The following VMP1 variants were observed in gnomAD, a reference collection of about 807,000 sequenced individuals.
VMP1 encodes the protein vacuole membrane protein 1, also known as ectopic P-granules autophagy protein 3 homolog.
VMP1 carries 11 observed loss-of-function variants against 56.0 expected under a neutral mutation model. The ratio of observed to expected loss-of-function variants is 0.20; its 90% CI spans 0.12 to 0.32. VMP1 has a LOEUF of 0.32. Ranked by LOEUF, VMP1 falls within the 10% of genes least tolerant of loss-of-function variation. The pLI is 1.00. For missense variants in VMP1, 296 were observed against 490.3 expected, an observed-to-expected ratio of 0.60 and a Z score of 3.74; for synonymous variants, 149 against 165.0, an observed-to-expected ratio of 0.90 and a Z score of 0.74.
chr17:59,764,075 C>T (rs2036149662), intron 5 of VMP1, among the ~76,000 whole-genome samples: 1 of 152,068 alleles, frequency 6.6e-6, no homozygotes, highest in African/African-American at 2.4e-5. Context: ...TTCACAGTTA[C>T]ATTTTTGCTT....
chr17:59,766,340 C>A (rs987648517), intron 6 of VMP1, among the ~76,000 whole-genome samples: 5 of 152,240 alleles, frequency 3.3e-5, no homozygotes, highest in Admixed American at 2.6e-4. Context: ...CCTGCCTCTA[C>A]TAAAAATACA....
At chr17:59,730,386 C>T (rs1327664239) in intron 1 of VMP1, among the ~76,000 whole-genome samples, 1 of 152,078 alleles carries the variant, frequency 6.6e-6, no homozygotes, top group Admixed American at 6.5e-5. Context: ...CCACCTCAGC[C>T]TCCTGAGCAA....
intron 1 of VMP1, among the ~76,000 whole-genome samples, chr17:59,715,175 T>A (rs1349246397): frequency 1.3e-5 from 2 of 152,252 alleles, no homozygotes; most frequent in African/African-American, 4.8e-5. Flanking sequence ...TTGCTTTTTT[T>A]ATAAAGCTTG....
chr17:59,732,703 G>T (rs944080728), intron 2 of VMP1, among the ~76,000 whole-genome samples: 5 of 152,170 alleles, frequency 3.3e-5, no homozygotes, highest in Non-Finnish European at 5.9e-5. Flanking sequence ...CCCATTAGGA[G>T]CTTTTGTGTG....
intron 7 of VMP1, among the ~76,000 whole-genome samples, chr17:59,787,133 G>A (rs983895862): frequency 2.0e-5 from 3 of 152,068 alleles, no homozygotes; most frequent in African/African-American, 4.8e-5. Flanking sequence ...GTTAGGTGTC[G>A]GTACCAAAGG....
chr17:59,828,558 A>G (rs2038714155), intron 10 of VMP1, among the ~76,000 whole-genome samples: 1 of 152,236 alleles, frequency 6.6e-6, no homozygotes, highest in South Asian at 2.1e-4. Context: ...ATGAAATTCA[A>G]GATGTTTTAA....
At chr17:59,761,317 G>A (rs1034450673) in intron 5 of VMP1, among the ~76,000 whole-genome samples, 1 of 152,058 alleles carries the variant, frequency 6.6e-6, no homozygotes, top group Admixed American at 6.6e-5. Context: ...ATTTCTTTTG[G>A]TTATGAGTTA....
chr17:59,765,175 C>G (rs1327135721), intron 6 of VMP1, 37 bp downstream of exon 6: 2 of 1,601,724 alleles, frequency 1.2e-6, no homozygotes, highest in Admixed American at 3.4e-5. Context: ...TAAAACTAAC[C>G]TCACCATCTT....
intron 7 of VMP1, among the ~76,000 whole-genome samples, chr17:59,778,357 A>G (rs1463959496): frequency 1.3e-5 from 2 of 151,710 alleles, no homozygotes; most frequent in African/African-American, 4.8e-5. Context: ...TGGCTAACAC[A>G]GTGAAACCCC....
chr17:59,741,151 G>C (rs1039548506), intron 5 of VMP1, among the ~76,000 whole-genome samples: 1 of 152,030 alleles, frequency 6.6e-6, no homozygotes, highest in Non-Finnish European at 1.5e-5. Flanking sequence ...AGCTATGATT[G>C]CACCATGCAC....
At chr17:59,786,121 G>A (rs990468225) in intron 7 of VMP1, among the ~76,000 whole-genome samples, 1 of 152,000 alleles carries the variant, frequency 6.6e-6, no homozygotes, top group African/African-American at 2.4e-5. Context: ...TTTATTAGTT[G>A]TAATGGTAGT....
At chr17:59,787,669 A>C (rs1221818963) in intron 7 of VMP1, among the ~76,000 whole-genome samples, 2 of 152,108 alleles carry the variant, frequency 1.3e-5, no homozygotes, top group Non-Finnish European at 2.9e-5. Flanking sequence ...TAAAAATACA[A>C]AAATTAGTGG....
chr17:59,731,922 G>A (rs896971148), intron 2 of VMP1, among the ~76,000 whole-genome samples: 4 of 152,086 alleles, frequency 2.6e-5, no homozygotes, highest in East Asian at 1.9e-4. Context: ...TAAAATTATC[G>A]TTTGAGATGA....
intron 5 of VMP1, among the ~76,000 whole-genome samples, chr17:59,748,775 A>G (rs1215211387): frequency 1.3e-5 from 2 of 152,204 alleles, no homozygotes; most frequent in Non-Finnish European, 2.9e-5. Flanking sequence ...GTACAGTGTT[A>G]TAGAATAATT....
intron 2 of VMP1, among the ~76,000 whole-genome samples, chr17:59,732,523 A>G (rs1411089315): frequency 6.7e-6 from 1 of 149,160 alleles, no homozygotes; most frequent in Non-Finnish European, 1.5e-5. Context: ...GATTACAGGC[A>G]TGAGCCACCG....
chr17:59,781,673 T>A (rs2036827225), intron 7 of VMP1, among the ~76,000 whole-genome samples: 1 of 152,162 alleles, frequency 6.6e-6, no homozygotes, highest in Admixed American at 6.5e-5. Flanking sequence ...TATTTTCACA[T>A]CTTTGCTATA....
chr17:59,723,767 G>GAT (rs1013273445), intron 1 of VMP1, among the ~76,000 whole-genome samples: 52 of 152,088 alleles, frequency 3.4e-4, no homozygotes, highest in Non-Finnish European at 5.6e-4. Flanking sequence ...GGAAGGAAAT[G>GAT]ATATATATAT....
intron 1 of VMP1, among the ~76,000 whole-genome samples, chr17:59,710,945 C>T (rs1318771669): frequency 6.6e-6 from 1 of 152,010 alleles, no homozygotes; most frequent in Non-Finnish European, 1.5e-5. Flanking sequence ...TGGTGGCAGA[C>T]GCCTGTAATC....
chr17:59,783,804 C>A (rs2036909527), intron 7 of VMP1, among the ~76,000 whole-genome samples: 1 of 152,094 alleles, frequency 6.6e-6, no homozygotes, highest in Non-Finnish European at 1.5e-5. Flanking sequence ...CTAAATATTG[C>A]CAGCAGCTTG....
Sources: allele counts gnomAD v4.1 joint callset (sites outside exome capture counted in the v4.1 genomes callset), GRCh38; gene constraint gnomAD v4.1.1; transcripts MANE v1.5; gene names NCBI Gene and HGNC (gene_info 2026-07-23, HGNC 2026-07-21).